Variants in FAT4 observed in about 807,000 individuals in gnomAD.
FAT4 encodes protocadherin Fat 4.
FAT4 carries 84 observed loss-of-function variants against 303.9 expected under a neutral mutation model. The ratio of observed to expected loss-of-function variants is 0.28; its 90% confidence interval spans 0.23 to 0.33. The LOEUF (loss-of-function observed/expected upper bound fraction) is 0.33. Among genes scored for constraint, FAT4 ranks in the 10% least tolerant of loss-of-function variants. The probability of loss-of-function intolerance (pLI) is 1.00; values close to 1 mark genes in which losing one functional copy is unlikely to be tolerated. For synonymous variants in FAT4, 2,307 were observed against 2,298.8 expected (o/e 1.00, Z -0.10); for missense variants, 6,005 against 6,146.8 (o/e 0.98, Z 0.77).
intron 2 of FAT4, among the ~76,000 whole-genome samples, chr4:125,384,943 A>G (rs988745924): frequency 6.7e-6 from 1 of 150,032 alleles, no homozygotes; most frequent in African/African-American, 2.4e-5. Context: ...TTACTAAGGA[A>G]TGACAATATT....
chr4:125,372,141 G>T (rs1455300373), intron 2 of FAT4, among the ~76,000 whole-genome samples: 1 of 151,904 alleles, frequency 6.6e-6, no homozygotes, highest in Non-Finnish European at 1.5e-5. Flanking sequence ...GTGCTTAGGA[G>T]TTCAAAACCA....
At chr4:125,386,935 G>C (rs1733772534) in intron 2 of FAT4, among the ~76,000 whole-genome samples, 1 of 152,104 alleles carries the variant, frequency 6.6e-6, no homozygotes, top group African/African-American at 2.4e-5. Context: ...GTGGTTTTGG[G>C]ATGAAAGTGT....
chr4:125,436,705 G>T (rs886859521), intron 8 of FAT4, among the ~76,000 whole-genome samples: 2 of 152,158 alleles, frequency 1.3e-5, no homozygotes, highest in East Asian at 3.9e-4. Flanking sequence ...AGGCAAGAGA[G>T]CTTGTACAGG....
chr4:125,450,881 A>C lies in FAT4; in HGVS notation c.9871A>C (p.Lys3291Gln), dbSNP rs751518711. The part of the protein sequence containing the change: ...CSFATVNIQL[K>Q]GTNEYVPRFV... ...CTTTGCCACTGTTAATATACAATTA[A>C]AAGGGACAAATGAATATGTGCCCCG... The change falls in exon 10 of 18, where the codon AAA (lysine) becomes CAA (glutamine). Residue 3291 changes from lysine (K) to glutamine (Q), a missense_variant. By Grantham distance (53) the Lys-to-Gln change is moderately conservative. Coordinates refer to ENST00000394329, the MANE Select transcript of FAT4 (RefSeq NM_001291303.3). 1.9e-6 allele frequency: 3 copies of C among 1,614,144 alleles called. No homozygotes were observed. Among genetic ancestry groups the C allele is most frequent in the South Asian group, 2.2e-5 (2 of 91,086 alleles).
At chr4:125,454,010 T>G (rs920264797) in intron 10 of FAT4, among the ~76,000 whole-genome samples, 2 of 152,232 alleles carry the variant, frequency 1.3e-5, no homozygotes, top group Non-Finnish European at 2.9e-5. Flanking sequence ...ATGCTATTGA[T>G]AAGTTCGAGG....
intron 2 of FAT4, among the ~76,000 whole-genome samples, chr4:125,365,078 A>G (rs1427034348): frequency 6.6e-6 from 1 of 152,106 alleles, no homozygotes; most frequent in Non-Finnish European, 1.5e-5. Flanking sequence ...AATTGAATGT[A>G]GATGTGGAAG....
At position 125,408,622 on chromosome 4, in the gene FAT4, T is replaced by C; in HGVS notation, c.5748T>C (p.Val1916=). 6.2e-7 allele frequency: 1 copy of C among 1,612,754 alleles called. No homozygotes were observed. The highest frequency in any genetic ancestry group is 8.5e-7 in the Non-Finnish European group (1 of 1,179,170). Residue 1916 remains valine, a synonymous_variant, in exon 5 of 18, where the codon GTT becomes GTC. Transcript: ENST00000394329. The stretch of plus-strand genomic sequence containing the variant: ...TACAGCAATATTATATCCTCACTGT[T>C]CGAGCAGAAGATGGTGGGGGACAAT... ...YEVQQYYILT[V]RAEDGGGQFT...
intron 2 of FAT4, among the ~76,000 whole-genome samples, chr4:125,373,953 T>C (rs1378675980): frequency 6.6e-6 from 1 of 152,244 alleles, no homozygotes; most frequent in African/African-American, 2.4e-5. Context: ...TTTCAGACGA[T>C]TTCCTATTTA....
chr4:125,318,347 T>C lies in FAT4; in HGVS notation c.1936T>C (p.Ser646Pro), dbSNP rs771995099. ...GTCTGGGAGGTTGAGTACTATTTCC[T>C]CCTTGGACAGAGAAGAGCAAGCCTT... ...PVSGRLSTIS[S>P]LDREEQAFYS... Residue 646 changes from serine (S) to proline (P), a missense_variant, in exon 2 of 18, where the codon TCC (serine) becomes CCC (proline). Physicochemically the swap from Ser to Pro is moderately conservative, Grantham distance 74 (BLOSUM62 -1). Transcript: ENST00000394329. 50 of 1,614,114 alleles carry C rather than the reference T, an allele frequency of 3.1e-5. No individual in the cohort carries two copies. The highest frequency in any genetic ancestry group is 4.1e-5 in the Non-Finnish European group (48 of 1,180,046).
chr4:125,462,669 T>C (rs1007045007), intron 10 of FAT4, among the ~76,000 whole-genome samples: 8 of 152,132 alleles, frequency 5.3e-5, no homozygotes, highest in Admixed American at 4.6e-4. Context: ...AACCTGGATA[T>C]GGGAGCAGAA....
At chr4:125,325,877 T>A (rs1731131311) in intron 2 of FAT4, among the ~76,000 whole-genome samples, 1 of 152,218 alleles carries the variant, frequency 6.6e-6, no homozygotes, top group African/African-American at 2.4e-5. Flanking sequence ...TACCCACCAT[T>A]GCTTTTGCAC....
intron 16 of FAT4, among the ~76,000 whole-genome samples, chr4:125,485,774 G>T (rs568487106): frequency 2.2e-4 from 33 of 152,182 alleles, no homozygotes; most frequent in Non-Finnish European, 4.0e-4. Flanking sequence ...TATACAACTG[G>T]CAGCTCAGTA....
chr4:125,406,373 G>A (rs896358004), intron 3 of FAT4, among the ~76,000 whole-genome samples: 1 of 152,066 alleles, frequency 6.6e-6, no homozygotes, highest in Non-Finnish European at 1.5e-5. Context: ...CTTTATGCCA[G>A]CACAATACTT....
Position 125,490,389 on chromosome 4 carries a change from C to T in FAT4, c.13573C>T (p.Leu4525=). ...ATVLALLVLS[L]ILCNQCRGKK... ...CGTCTTGGCCCTCCTGGTCCTTAGCCTGATCCTGTGTAACCAGTGCAGGGG... is the reference window on the plus strand; with the variant it reads ...CGTCTTGGCCCTCCTGGTCCTTAGCTTGATCCTGTGTAACCAGTGCAGGGG... The change falls in exon 18 of 18, where the codon CTG becomes TTG. Residue 4525 remains leucine, a synonymous_variant. Transcript: ENST00000394329. 1 of 1,614,106 alleles carries T rather than the reference C, an allele frequency of 6.2e-7. No individual in the cohort carries two copies. Among genetic ancestry groups the T allele is most frequent in the Non-Finnish European group, 8.5e-7 (1 of 1,180,040 alleles).
intron 2 of FAT4, among the ~76,000 whole-genome samples, chr4:125,372,176 G>A (rs77871922): frequency 0.012 from 1,777 of 151,538 alleles, 28 homozygotes; most frequent in East Asian, 0.076. Flanking sequence ...GTGAGACCTC[G>A]TCTCCACCAA....
intron 2 of FAT4, among the ~76,000 whole-genome samples, chr4:125,347,044 G>T (rs1472758340): frequency 1.3e-5 from 2 of 151,914 alleles, no homozygotes; most frequent in Non-Finnish European, 2.9e-5. Flanking sequence ...CTTCTTGAAA[G>T]AAATCAGGTG....
At position 125,329,514 on chromosome 4, in the gene FAT4, G is replaced by T. The variant is rs1035048292; in HGVS notation, c.5175+7928G>T. Among the ~76,000 whole-genome samples, 3 of 152,008 alleles carry T rather than the reference G, an allele frequency of 2.0e-5. No individual in the cohort carries two copies. In the East Asian group the frequency reaches 5.8e-4, roughly 29 times the overall value. Reference sequence around the variant, plus strand: ...ATCTCACCATGTCCTCAAACTCTAAGTGTTGGAACATCCCTAAAGCCAGTT... The same window carrying T: ...ATCTCACCATGTCCTCAAACTCTAATTGTTGGAACATCCCTAAAGCCAGTT... On this transcript the variant is annotated intron_variant, in intron 2 of 17. Transcript: ENST00000394329.
chr4:125,393,460 T>C (rs965350278), intron 2 of FAT4, among the ~76,000 whole-genome samples: 1 of 152,182 alleles, frequency 6.6e-6, no homozygotes, highest in Non-Finnish European at 1.5e-5. Flanking sequence ...TATATAATGG[T>C]TTGATATTAG....
At chr4:125,466,188 G>A (rs1420749853) in intron 11 of FAT4, among the ~76,000 whole-genome samples, 1 of 152,090 alleles carries the variant, frequency 6.6e-6, no homozygotes, top group African/African-American at 2.4e-5. Flanking sequence ...AAGGCGACAT[G>A]TATAATTATA....
Sources: allele counts gnomAD v4.1 joint callset (sites outside exome capture counted in the v4.1 genomes callset), GRCh38; gene constraint gnomAD v4.1.1; transcripts MANE v1.5; gene names NCBI Gene and HGNC (gene_info 2026-07-23, HGNC 2026-07-21).